ANK3: variants seen among roughly 807,000 people sequenced by gnomAD.
ANK3 encodes the protein ankyrin 3.
In ANK3, 57 loss-of-function variants were observed where a neutral mutation model predicts 370.9. The observed-to-expected ratio is 0.15, with a 90% confidence interval of 0.12 to 0.19. The LOEUF (loss-of-function observed/expected upper bound fraction) is 0.19, where lower values mean the gene tolerates loss of function less well. Among genes scored for constraint, ANK3 ranks in the 10% least tolerant of loss-of-function variants. ANK3 has a pLI of 1.00. For missense variants in ANK3, 4,439 were observed against 5,302.1 expected (o/e 0.84, Z 5.06); for synonymous variants, 1,929 against 1,946.3 (o/e 0.99, Z 0.23).
Position 60,072,172 on chromosome 10 carries a change from T to C in ANK3, c.8709A>G (p.Arg2903=), listed in dbSNP as rs200245302. 8.4e-5 allele frequency: 136 copies of C among 1,613,852 alleles called. 2 individuals are homozygous for C. The East Asian group carries it at 2.9e-3, about 35-fold the overall frequency. The change falls in exon 37 of 44, where the codon AGA becomes AGG. Residue 2903 remains arginine, a synonymous_variant. Transcript: ENST00000280772. ...QKNEFMSVTE[R]ERKLLTNGSL... ...AGCCGTTTGTTAACAATTTGCGTTC[T>C]CTCTCAGTCACAGACATAAATTCAT...
chr10:60,387,976 C>A (rs1370492314), intron 1 of ANK3, among the ~76,000 whole-genome samples: 1 of 152,082 alleles, frequency 6.6e-6, no homozygotes, highest in African/African-American at 2.4e-5. Context: ...TTCTTAGAAG[C>A]TAGTTTATCA....
At chr10:60,626,602 T>C (rs58801702) in intron 1 of ANK3, among the ~76,000 whole-genome samples, 175 of 152,324 alleles carry the variant, frequency 1.1e-3, no homozygotes, top group African/African-American at 4.1e-3. Flanking sequence ...AGCCAGTTGA[T>C]TTAAACCTTC....
chr10:60,653,355 A>AT lies in ANK3; in HGVS notation c.58-38132dup, dbSNP rs796350775. Among the ~76,000 whole-genome samples, 520 of 149,246 alleles carry AT rather than the reference A, an allele frequency of 3.5e-3. 3 individuals carry two copies. The highest frequency in any genetic ancestry group is 0.012 in the African/African-American group (471 of 39,964). ...TGGTATGGGGTAAAGACTGGTGTTA[A>AT]TTTTTTTTTTCCCATACAGATTTCC... On this transcript the variant is annotated intron_variant, in intron 1 of 43. Coordinates refer to the ANK3 transcript ENST00000373827.
intron 1 of ANK3, among the ~76,000 whole-genome samples, chr10:60,629,938 T>C (rs1226073479): frequency 6.6e-6 from 1 of 152,172 alleles, no homozygotes; most frequent in Non-Finnish European, 1.5e-5. Flanking sequence ...AGCACTTTGT[T>C]TAGATTTTAT....
At chr10:60,644,591 G>C (rs2078682998) in intron 1 of ANK3, among the ~76,000 whole-genome samples, 1 of 151,890 alleles carries the variant, frequency 6.6e-6, no homozygotes, top group African/African-American at 2.4e-5. Context: ...ATCACAACAG[G>C]ATTCTTAAAA....
chr10:60,052,620 A>T (rs2078294910), intron 42 of ANK3, among the ~76,000 whole-genome samples: 1 of 152,210 alleles, frequency 6.6e-6, no homozygotes, highest in African/African-American at 2.4e-5. Flanking sequence ...AGGGGCAAAT[A>T]GTTCATAATT....
intron 1 of ANK3, among the ~76,000 whole-genome samples, chr10:60,280,755 A>C (rs1263760512): frequency 1.3e-5 from 2 of 152,210 alleles, no homozygotes; most frequent in African/African-American, 4.8e-5. Context: ...TTAAAAGAGA[A>C]AAGTGTCTTC....
chr10:60,228,781 C>T (rs1003686176), intron 8 of ANK3, among the ~76,000 whole-genome samples: 1 of 152,050 alleles, frequency 6.6e-6, no homozygotes, highest in Non-Finnish European at 1.5e-5. Flanking sequence ...TACCAACATA[C>T]ATTAAGAAAC....
At chr10:60,651,094 A>T (rs1588973625) in intron 1 of ANK3, among the ~76,000 whole-genome samples, 1 of 152,102 alleles carries the variant, frequency 6.6e-6, no homozygotes, top group Non-Finnish European at 1.5e-5. Flanking sequence ...AATCTAAAAC[A>T]ATATATATAT....
intron 1 of ANK3, chr10:60,684,390 G>A (rs1386917502): frequency 5.1e-6 from 3 of 587,950 alleles, no homozygotes; most frequent in Non-Finnish European, 8.6e-6. Flanking sequence ...GAGACGTTGA[G>A]TGAAGGGGAG....
At chr10:60,157,331 C>T (rs111752361) in intron 23 of ANK3, among the ~76,000 whole-genome samples, 20 of 142,950 alleles carry the variant, frequency 1.4e-4, no homozygotes, top group African/African-American at 4.8e-4. Flanking sequence ...GCCACTGTGC[C>T]CGGCTTTTTT....
chr10:60,577,178 T>C (rs2077693723), intron 2 of ANK3, among the ~76,000 whole-genome samples: 1 of 152,200 alleles, frequency 6.6e-6, no homozygotes, highest in Non-Finnish European at 1.5e-5. Flanking sequence ...GCCATTCTTC[T>C]TCCCACAGAG....
intron 42 of ANK3, among the ~76,000 whole-genome samples, chr10:60,053,466 C>G (rs1237476780): frequency 6.6e-6 from 1 of 152,128 alleles, no homozygotes; most frequent in Non-Finnish European, 1.5e-5. Flanking sequence ...AAAAAGTGGC[C>G]ATTTGGTCAT....
chr10:60,488,223 C>T (rs758805363), intron 2 of ANK3, among the ~76,000 whole-genome samples: 2 of 151,940 alleles, frequency 1.3e-5, no homozygotes, highest in Non-Finnish European at 2.9e-5. Context: ...AAAATGTTTG[C>T]CAAAAGTAGC....
At chr10:60,468,600 T>G (rs1446913938) in intron 2 of ANK3, among the ~76,000 whole-genome samples, 5 of 152,112 alleles carry the variant, frequency 3.3e-5, no homozygotes, top group Non-Finnish European at 7.4e-5. Flanking sequence ...CCATGATTAC[T>G]GATTCATACA....
intron 23 of ANK3, chr10:60,140,335 C>T (rs778651142): frequency 1.2e-6 from 2 of 1,613,312 alleles, no homozygotes; most frequent in Non-Finnish European, 8.5e-7. Flanking sequence ...ACACCAAGTA[C>T]AACTCAAAGA....
chr10:60,672,374 T>G (rs960836161), intron 1 of ANK3, among the ~76,000 whole-genome samples: 1 of 152,154 alleles, frequency 6.6e-6, no homozygotes, highest in Non-Finnish European at 1.5e-5. Context: ...ATTAGAAGCT[T>G]GGAATTTTCA....
chr10:60,134,426 T>TA lies in ANK3; in HGVS notation c.2739-54dup, dbSNP rs111779148. On this transcript the variant is annotated intron_variant, in intron 24 of 43. Transcript: ENST00000280772. ...CAGTGGTAGATGATGATGAGATGAA[T>TA]AAAAAAAAATTAATGCATGCAACTT... The TA allele has an allele frequency of 5.9e-4, 818 of 1,382,238 alleles. 2 individuals carry two copies. The highest frequency in any genetic ancestry group is 3.0e-3 in the South Asian group (230 of 76,948). The allele number at this position is 1,382,238 out of a possible 1,614,324, so 85.6% of individuals were successfully genotyped here.
Position 60,076,239 on chromosome 10 carries a change from G to T in ANK3, c.4642C>A (p.Pro1548Thr). Residue 1548 changes from proline to threonine, a missense_variant, in exon 37 of 44, where the codon CCA becomes ACA. Around this residue, in one of 13 missense-constraint regions of ANK3, gnomAD observed 679 missense variants for 791.0 expected, o/e 0.86. Transcript: ENST00000280772. ...GACGCGCCTAATGTGGATTTGATTG[G>T]AGAAGGTGTCGAAACAGACCATATT... ...KSIWSVSTPS[P>T]IKSTLGASTT... 1 of 1,614,148 alleles carries T rather than the reference G, an allele frequency of 6.2e-7. No homozygotes were observed. The highest frequency in any genetic ancestry group is 8.5e-7 in the Non-Finnish European group (1 of 1,179,980).
Sources: gnomAD v4.1 joint callset for allele counts (sites outside exome capture counted in the v4.1 genomes callset) on GRCh38, gnomAD v4.1.1 for gene constraint, gnomAD v4.1.1 regional missense constraint, MANE v1.5 for transcripts, NCBI Gene and HGNC (gene_info 2026-07-23, HGNC 2026-07-21) for gene names.